The following EFTUD2 variants were observed in gnomAD, a reference collection of about 807,000 sequenced individuals.
EFTUD2 encodes 116 kDa U5 small nuclear ribonucleoprotein component.
EFTUD2 carries 9 observed loss-of-function variants against 114.3 expected under a neutral mutation model. The observed-to-expected ratio is 0.08, with a 90% CI of 0.05 to 0.14. The LOEUF is 0.14. Among genes scored for constraint, EFTUD2 ranks in the 10% least tolerant of loss-of-function variants. EFTUD2 has a pLI of 1.00. For synonymous variants in EFTUD2, 449 were observed against 462.3 expected, an observed-to-expected ratio of 0.97 and a Z score of 0.37; for missense variants, 765 against 1,241.2, an observed-to-expected ratio of 0.62 and a Z score of 5.76.
intron 9 of EFTUD2, 90 bp from the exon 10 acceptor site, chr17:44,876,190 T>A (rs897770620): frequency 1.2e-5 from 17 of 1,450,740 alleles, no homozygotes; most frequent in Non-Finnish European, 1.6e-5. Context: ...TTTCAAACCA[T>A]GAAGCCTGGG....
intron 14 of EFTUD2, among the ~76,000 whole-genome samples, chr17:44,864,564 TAACC>T (rs2050712129): frequency 6.6e-6 from 1 of 152,182 alleles, no homozygotes; most frequent in Non-Finnish European, 1.5e-5. Context: ...TCTGTGTAAC[TAACC>T]AAGTCTCCCA....
chr17:44,872,649 G>C lies in EFTUD2; in HGVS notation c.870-79C>G. On this transcript the variant is annotated intron_variant, in intron 10 of 27. Coordinates refer to ENST00000426333, the MANE Select transcript of EFTUD2 (RefSeq NM_004247.4). Reference sequence around the variant, plus strand: ...CTGCCAAGGGGAAGGGCAGGAACTCGGTATCACAGCCACTCTCCAGCCCTC... The same window carrying C: ...CTGCCAAGGGGAAGGGCAGGAACTCCGTATCACAGCCACTCTCCAGCCCTC... 8.1e-6 allele frequency: 12 copies of C among 1,476,070 alleles called. 1 individual carries two copies. In the South Asian group the frequency reaches 1.6e-4, roughly 20 times the overall value. 91.4% of individuals were successfully genotyped at this position (1,476,070 alleles called of 1,614,324 possible).
chr17:44,881,116 T>C (rs1366460495), intron 7 of EFTUD2, among the ~76,000 whole-genome samples: 2 of 152,198 alleles, frequency 1.3e-5, no homozygotes, highest in African/African-American at 4.8e-5. Flanking sequence ...TGCCTATCTA[T>C]CTTTACTAAT....
rs202064728 is a variant in EFTUD2 at position 44,853,358 on chromosome 17, A to G, written c.2499T>C (p.Phe833=). The G allele has an allele frequency of 3.7e-6, 6 of 1,614,106 alleles. No individual in the cohort carries two copies. The highest frequency in any genetic ancestry group is 4.5e-5 in the East Asian group (2 of 44,868). Residue 833 remains phenylalanine, a synonymous_variant, in exon 25 of 28, where the codon TTT becomes TTC. Coordinates refer to ENST00000426333, the MANE Select transcript of EFTUD2 (RefSeq NM_004247.4). The part of the protein sequence containing the change: ...ATPRLMEPYY[F]VEVQAPADCV... ...AATCTGCAGGGGCCTGGACCTCTACAAAGTAGTAAGGCTCCATCAGACGAG... is the reference window on the plus strand; with the variant it reads ...AATCTGCAGGGGCCTGGACCTCTACGAAGTAGTAAGGCTCCATCAGACGAG...
At chr17:44,891,546 C>T (rs1259585437) in intron 2 of EFTUD2, among the ~76,000 whole-genome samples, 1 of 152,148 alleles carries the variant, frequency 6.6e-6, no homozygotes, top group African/African-American at 2.4e-5. Flanking sequence ...AATGGGGTCT[C>T]ACTACATTGC....
chr17:44,857,439 C>T (rs2050576825), intron 19 of EFTUD2: 4 of 363,646 alleles, frequency 1.1e-5, no homozygotes, highest in South Asian at 9.2e-5. Context: ...AGGTAGCTCT[C>T]AGCATCCATT....
chr17:44,878,480 C>T (rs571965013), intron 9 of EFTUD2, among the ~76,000 whole-genome samples: 5 of 152,200 alleles, frequency 3.3e-5, no homozygotes, highest in South Asian at 4.1e-4. Flanking sequence ...AATTCTATAA[C>T]GGAAATTGTT....
chr17:44,863,442 C>T (rs1456784347), intron 15 of EFTUD2: 2 of 538,986 alleles, frequency 3.7e-6, no homozygotes, highest in Non-Finnish European at 6.4e-6. Flanking sequence ...TGTTATAGAC[C>T]AAGGCCTTGA....
intron 15 of EFTUD2, 168 bp downstream of exon 15, chr17:44,863,487 T>C (rs760049203): frequency 2.4e-5 from 21 of 885,602 alleles, no homozygotes; most frequent in Non-Finnish European, 3.4e-5. Flanking sequence ...CCCAAGGTCA[T>C]AGCACTAGCG....
chr17:44,883,921 A>C, intron 4 of EFTUD2, 197 bp from the exon 5 acceptor site: 1 of 595,162 alleles, frequency 1.7e-6, no homozygotes, highest in East Asian at 2.8e-5. Flanking sequence ...AGGTAACACA[A>C]TCTGTGAATG....
chr17:44,864,013 T>C (rs180728838), intron 14 of EFTUD2: 160 of 423,312 alleles, frequency 3.8e-4, no homozygotes, highest in African/African-American at 3.1e-3. Flanking sequence ...CAGTGGTACA[T>C]GGTTCCTTGG....
chr17:44,853,375 T>C lies in EFTUD2; in HGVS notation c.2482A>G (p.Met828Val). 1.2e-6 allele frequency: 2 copies of C among 1,614,116 alleles called. No individual in the cohort carries two copies. The highest frequency in any genetic ancestry group is 1.7e-6 in the Non-Finnish European group (2 of 1,179,992). Residue 828 changes from methionine to valine, a missense_variant, in exon 25 of 28, where the codon ATG (methionine) becomes GTG (valine). Met to Val is a conservative substitution (Grantham distance 21, BLOSUM62 1). This residue lies in a region of EFTUD2 where 166 missense variants were observed against 401.5 expected (regional missense o/e 0.41). Coordinates refer to ENST00000426333, the MANE Select transcript of EFTUD2 (RefSeq NM_004247.4). ...ACCTCTACAAAGTAGTAAGGCTCCATCAGACGAGGAGTAGCCTGCAGCAGA... is the reference window on the plus strand; with the variant it reads ...ACCTCTACAAAGTAGTAAGGCTCCACCAGACGAGGAGTAGCCTGCAGCAGA... Reference protein sequence around the residue: ...SAFLMATPRLMEPYYFVEVQA... With the variant: ...SAFLMATPRLVEPYYFVEVQA...
chr17:44,857,204 G>T, intron 19 of EFTUD2, 47 bp from the exon 20 acceptor site: 1 of 1,544,098 alleles, frequency 6.5e-7, no homozygotes, highest in South Asian at 1.1e-5. Flanking sequence ...AATTTTGTTG[G>T]AAGGGCAACC....
chr17:44,864,848 C>G, intron 14 of EFTUD2, 82 bp downstream of exon 14: 2 of 1,557,400 alleles, frequency 1.3e-6, no homozygotes, highest in Admixed American at 1.8e-5. Flanking sequence ...TGACCTCCAT[C>G]GCTGGGTGAG....
At chr17:44,885,356 G>A in intron 3 of EFTUD2, 22 bp from the exon 4 acceptor site, 1 of 1,550,974 alleles carries the variant, frequency 6.4e-7, no homozygotes, top group Non-Finnish European at 8.9e-7. Context: ...AAAAAAGGTA[G>A]TGATGTGTAG....
intron 9 of EFTUD2, among the ~76,000 whole-genome samples, chr17:44,877,215 G>T (rs939958569): frequency 6.6e-6 from 1 of 151,028 alleles, no homozygotes; most frequent in African/African-American, 2.4e-5. Context: ...AAAAAAAAAA[G>T]CCAGAGCTCC....
chr17:44,879,965 G>C (rs2145534229), intron 8 of EFTUD2, among the ~76,000 whole-genome samples: 1 of 152,276 alleles, frequency 6.6e-6, no homozygotes, highest in African/African-American at 2.4e-5. Context: ...GCAGGAGAAA[G>C]GGCAAAGCAG....
At chr17:44,865,223 C>G in intron 13 of EFTUD2, 158 bp from the exon 14 acceptor site, 1 of 1,050,266 alleles carries the variant, frequency 9.5e-7, no homozygotes, top group Middle Eastern at 3.2e-4. Flanking sequence ...TTGGTTTCAG[C>G]GGCATCTCTG....
At chr17:44,897,860 C>G (rs527351005) in intron 1 of EFTUD2, among the ~76,000 whole-genome samples, 2 of 152,258 alleles carry the variant, frequency 1.3e-5, no homozygotes, top group South Asian at 4.1e-4. Context: ...CCACCGCACC[C>G]GGCCACATTT....
Sources: gnomAD v4.1 joint callset for allele counts (sites outside exome capture counted in the v4.1 genomes callset) on GRCh38, gnomAD v4.1.1 for gene constraint, gnomAD v4.1.1 regional missense constraint, MANE v1.5 for transcripts, NCBI Gene and HGNC (gene_info 2026-07-23, HGNC 2026-07-21) for gene names.